Variants in NGLY1 observed in about 807,000 individuals in gnomAD.
The protein encoded by NGLY1 is peptide-N(4)-(N-acetyl-beta-glucosaminyl)asparagine amidase.
A neutral mutation model predicts 84.6 loss-of-function variants in NGLY1; 68 were observed. The ratio of observed to expected loss-of-function variants is 0.80; its 90% CI spans 0.66 to 0.98. The LOEUF (loss-of-function observed/expected upper bound fraction) is 0.98, where lower values mean the gene tolerates loss of function less well. NGLY1 is among the 50% of genes least tolerant of loss of function. The pLI is 0.00. For missense variants in NGLY1, 779 were observed against 770.2 expected (o/e 1.01, Z -0.14); for synonymous variants, 280 against 275.2 (o/e 1.02, Z -0.17).
intron 4 of NGLY1, among the ~76,000 whole-genome samples, chr3:25,742,608 G>C (rs1481802218): frequency 1.3e-5 from 2 of 152,110 alleles, no homozygotes; most frequent in Non-Finnish European, 2.9e-5. Flanking sequence ...TCATGAATTA[G>C]TTACATTAAA....
intron 7 of NGLY1, chr3:25,734,926 TTTATA>T: frequency 1.4e-6 from 1 of 736,382 alleles, no homozygotes; most frequent in Non-Finnish European, 1.7e-6. Flanking sequence ...TTGTATTAGA[TTTATA>T]TTACAGAACT....
In NGLY1 at chr3:25,736,007, A is replaced by G; in HGVS notation, c.1146T>C (p.Asp382=). The G allele has an allele frequency of 1.2e-6, 2 of 1,607,814 alleles. No individual in the cohort carries two copies. Among genetic ancestry groups the G allele is most frequent in the Non-Finnish European group, 1.7e-6 (2 of 1,177,966 alleles). Residue 382 remains aspartate, a synonymous_variant, in exon 7 of 12, where the codon GAT becomes GAC. Coordinates refer to ENST00000280700, the MANE Select transcript of NGLY1 (RefSeq NM_018297.4). ...KLSYVIAFSK[D]EVVDVTWRYS... Reference sequence around the variant, plus strand: ...GTTTTTTTCTTTTATGCTCTACCTCATCTTTTGAAAATGCTATGACATAGG... The same window carrying G: ...GTTTTTTTCTTTTATGCTCTACCTCGTCTTTTGAAAATGCTATGACATAGG...
chr3:25,768,063 G>A (rs1466414041), intron 2 of NGLY1, among the ~76,000 whole-genome samples: 1 of 131,632 alleles, frequency 7.6e-6, no homozygotes, highest in Non-Finnish European at 1.5e-5. Context: ...CAGTGAGCCA[G>A]GATCGCACCA....
At chr3:25,785,737 C>G (rs1225671141), upstream of NGLY1, among the ~76,000 whole-genome samples, 2 of 152,096 alleles carry the variant, frequency 1.3e-5, no homozygotes, top group Admixed American at 6.5e-5. Context: ...TGGAAATGCT[C>G]TGGTATTGAA....
intron 1 of NGLY1, among the ~76,000 whole-genome samples, chr3:25,781,356 C>G (rs1003026194): frequency 1.3e-5 from 2 of 152,128 alleles, no homozygotes; most frequent in African/African-American, 4.8e-5. Context: ...TCCAGTTCCT[C>G]AAATTCTTTT....
rs147663777 is a variant in NGLY1, at chr3:25,750,287, C to T, written c.658+811G>A. ...TCCAACTGGTCCCACCCTTGACACA[C>T]GGGGATTATAAGGATTACAATTCAA... On this transcript the variant is annotated intron_variant, in intron 4 of 11. Coordinates refer to ENST00000280700, the MANE Select transcript of NGLY1 (RefSeq NM_018297.4). 3.4e-3 allele frequency among the ~76,000 whole-genome samples: 522 copies of T among 152,222 alleles called. 10 individuals are homozygous for T. The highest frequency in any genetic ancestry group is 0.01 in the East Asian group (53 of 5,180).
At chr3:25,722,551 TGA>T (rs1705056022) in intron 10 of NGLY1, among the ~76,000 whole-genome samples, 1 of 152,154 alleles carries the variant, frequency 6.6e-6, no homozygotes, top group Non-Finnish European at 1.5e-5. Flanking sequence ...TTAGAATCAG[TGA>T]GTTAGAGATT....
Position 25,736,091 on chromosome 3 carries a change from T to A in NGLY1, c.1062A>T (p.Ala354=), listed in dbSNP as rs765812275. Residue 354 remains alanine, a synonymous_variant, in exon 7 of 12, where the codon GCA becomes GCT. Coordinates refer to ENST00000280700, the MANE Select transcript of NGLY1 (RefSeq NM_018297.4). The stretch of plus-strand genomic sequence containing the variant: ...GTGGCTTGTCACAGACATCTTCACA[T>A]GCATCACAGTGCAGCCACCGCTGCT... ...PSQQRWLHCD[A]CEDVCDKPLL... is the part of the protein sequence containing the mutation. The A allele has an allele frequency of 6.2e-7, 1 of 1,613,964 alleles. No homozygotes were observed.
At chr3:25,788,307 T>G (rs369828977), upstream of NGLY1, among the ~76,000 whole-genome samples, 3 of 152,278 alleles carry the variant, frequency 2.0e-5, no homozygotes, top group African/African-American at 7.2e-5. Flanking sequence ...GAGCCATAAT[T>G]GGAAAGATAG....
chr3:25,732,527 T>A, intron 8 of NGLY1, 44 bp from the exon 9 acceptor site: 5 of 1,490,728 alleles, frequency 3.4e-6, no homozygotes, highest in Non-Finnish European at 4.6e-6. Flanking sequence ...ATTAGGGGAA[T>A]GTATAGGTCC....
chr3:25,722,927 T>C (rs190789931), intron 10 of NGLY1, among the ~76,000 whole-genome samples: 3 of 152,144 alleles, frequency 2.0e-5, no homozygotes, highest in Admixed American at 6.5e-5. Flanking sequence ...AACAGAGAGG[T>C]TACTGGAAGA....
At chr3:25,763,561 A>G (rs1371087030) in intron 3 of NGLY1, among the ~76,000 whole-genome samples, 2 of 152,236 alleles carry the variant, frequency 1.3e-5, no homozygotes, top group South Asian at 2.1e-4. Flanking sequence ...TTCTGACAGT[A>G]AAAACTTAGG....
upstream of NGLY1, among the ~76,000 whole-genome samples, chr3:25,786,364 AATG>A (rs1191991582): frequency 1.3e-5 from 2 of 152,118 alleles, no homozygotes; most frequent in Non-Finnish European, 2.9e-5. Context: ...CAACTCTAAA[AATG>A]ATGTTTTTAA....
intron 3 of NGLY1, among the ~76,000 whole-genome samples, chr3:25,753,365 T>C (rs1706855771): frequency 6.6e-6 from 1 of 152,156 alleles, no homozygotes; most frequent in African/African-American, 2.4e-5. Flanking sequence ...ATACAGAAAG[T>C]ATATCACTCT....
intron 5 of NGLY1, 98 bp downstream of exon 5, chr3:25,739,478 AT>A: frequency 8.5e-7 from 1 of 1,171,564 alleles, no homozygotes; most frequent in African/African-American, 1.5e-5. Context: ...AGAGGAATAT[AT>A]TTCTGATAAT....
intron 9 of NGLY1, among the ~76,000 whole-genome samples, chr3:25,731,332 G>A (rs1382498953): frequency 1.3e-5 from 2 of 151,908 alleles, no homozygotes; most frequent in African/African-American, 4.8e-5. Context: ...AAGAGAATGA[G>A]GATATCCAAA....
chr3:25,719,737 T>C (rs761831159), intron 11 of NGLY1, 102 bp from the exon 12 acceptor site: 16 of 877,878 alleles, frequency 1.8e-5, no homozygotes, highest in Non-Finnish European at 2.5e-5. Context: ...TAAGTTAAAA[T>C]AAACCCTTAA....
exon 1 of NGLY1, chr3:25,789,871 T>C (rs1215892136): frequency 1.9e-6 from 3 of 1,551,718 alleles, no homozygotes; most frequent in Non-Finnish European, 2.6e-6. Context: ...CTCATCGCGT[T>C]ATTGGCAGGT....
intron 3 of NGLY1, chr3:25,755,545 C>A: frequency 7.1e-7 from 1 of 1,417,500 alleles, no homozygotes; most frequent in Non-Finnish European, 1.0e-6. Flanking sequence ...CAAAATGTTC[C>A]AACTAATCCC....
Sources: gnomAD v4.1 joint callset for allele counts (sites outside exome capture counted in the v4.1 genomes callset) on GRCh38, gnomAD v4.1.1 for gene constraint, MANE v1.5 for transcripts, NCBI Gene and HGNC (gene_info 2026-07-23, HGNC 2026-07-21) for gene names.